The following RGL1 variants were observed in gnomAD, a reference collection of about 807,000 sequenced individuals.
RGL1 encodes the protein ral guanine nucleotide dissociation stimulator like 1.
RGL1 carries 24 observed loss-of-function variants against 95.2 expected under a neutral mutation model. That is an observed-to-expected ratio of 0.25 (90% CI 0.18 to 0.35). RGL1 has a LOEUF of 0.35. RGL1 is among the 10% of genes least tolerant of loss of function. The pLI is 1.00. For missense variants in RGL1, 715 were observed against 936.3 expected, an observed-to-expected ratio of 0.76 and a Z score of 3.08; for synonymous variants, 329 against 344.9, an observed-to-expected ratio of 0.95 and a Z score of 0.51.
intron 1 of RGL1, among the ~76,000 whole-genome samples, chr1:183,712,143 G>C (rs1655321593): frequency 6.6e-6 from 1 of 152,240 alleles, no homozygotes; most frequent in Non-Finnish European, 1.5e-5. Flanking sequence ...CATTCCTTGG[G>C]CAGTAGTAAT....
intron 2 of RGL1, among the ~76,000 whole-genome samples, chr1:183,775,538 T>C (rs1659546392): frequency 6.6e-6 from 1 of 152,216 alleles, no homozygotes; most frequent in South Asian, 2.1e-4. Flanking sequence ...AATTTGAGGA[T>C]ATAGGCAATG....
intron 2 of RGL1, among the ~76,000 whole-genome samples, chr1:183,833,645 A>G (rs548170262): frequency 3.3e-5 from 5 of 152,370 alleles, no homozygotes; most frequent in South Asian, 2.1e-4. Flanking sequence ...TCAGGCTACT[A>G]TAACTAAAAC....
intron 15 of RGL1, among the ~76,000 whole-genome samples, chr1:183,912,623 C>A (rs1019881484): frequency 6.6e-6 from 1 of 152,194 alleles, no homozygotes; most frequent in African/African-American, 2.4e-5. Context: ...AAGCATTTAT[C>A]ACAATAATGT....
At chr1:183,757,017 GTTTGT>G (rs1469118651) in intron 2 of RGL1, among the ~76,000 whole-genome samples, 1 of 80,806 alleles carries the variant, frequency 1.2e-5, no homozygotes, top group African/African-American at 5.5e-5. Context: ...TGGGTGGTTT[GTTTGT>G]TTTTTTTTTT....
At chr1:183,788,291 C>T (rs1660278058) in intron 2 of RGL1, among the ~76,000 whole-genome samples, 1 of 152,154 alleles carries the variant, frequency 6.6e-6, no homozygotes, top group Non-Finnish European at 1.5e-5. Flanking sequence ...AAATCCCAGT[C>T]CAAGCACATT....
chr1:183,799,564 G>C (rs2102399059), intron 2 of RGL1, among the ~76,000 whole-genome samples: 1 of 152,272 alleles, frequency 6.6e-6, no homozygotes, highest in East Asian at 1.9e-4. Flanking sequence ...GTGATATTAA[G>C]CATCTTTTCA....
chr1:183,805,651 G>A (rs1270680456), intron 1 of RGL1, among the ~76,000 whole-genome samples: 2 of 152,202 alleles, frequency 1.3e-5, no homozygotes, highest in Admixed American at 6.5e-5. Context: ...ACAAACCTCA[G>A]GTTTAGCTGG....
At chr1:183,843,108 G>C (rs764993499) in intron 2 of RGL1, among the ~76,000 whole-genome samples, 1 of 152,180 alleles carries the variant, frequency 6.6e-6, no homozygotes, top group Non-Finnish European at 1.5e-5. Context: ...CAGGTATTAG[G>C]ATATTTAGCA....
intron 1 of RGL1, among the ~76,000 whole-genome samples, chr1:183,667,190 A>G (rs1056529834): frequency 6.6e-6 from 1 of 151,946 alleles, no homozygotes; most frequent in Non-Finnish European, 1.5e-5. Context: ...ATCTTTCTTT[A>G]TCTCTTTCAA....
intron 2 of RGL1, among the ~76,000 whole-genome samples, chr1:183,784,281 G>C (rs1660043516): frequency 6.6e-6 from 1 of 152,184 alleles, no homozygotes; most frequent in Admixed American, 6.5e-5. Context: ...GTCTCAAGGA[G>C]GGAAGGTGCC....
At chr1:183,808,850 G>A (rs1418348492) in intron 2 of RGL1, among the ~76,000 whole-genome samples, 1 of 151,840 alleles carries the variant, frequency 6.6e-6, no homozygotes, top group Admixed American at 6.6e-5. Context: ...GTAAACACCA[G>A]ATTCAAATCC....
chr1:183,811,728 A>G (rs1217901361), intron 2 of RGL1, among the ~76,000 whole-genome samples: 1 of 152,212 alleles, frequency 6.6e-6, no homozygotes, highest in Non-Finnish European at 1.5e-5. Flanking sequence ...AATATGTGAC[A>G]TGTAATCAAG....
intron 2 of RGL1, among the ~76,000 whole-genome samples, chr1:183,842,593 A>G (rs928919135): frequency 6.6e-6 from 1 of 152,220 alleles, no homozygotes; most frequent in Non-Finnish European, 1.5e-5. Flanking sequence ...CTAAAGGCAC[A>G]AAGATCAACC....
chr1:183,673,456 A>C (rs1435443461), intron 1 of RGL1, among the ~76,000 whole-genome samples: 2 of 152,154 alleles, frequency 1.3e-5, no homozygotes, highest in Non-Finnish European at 2.9e-5. Context: ...GCTCTGTTCT[A>C]CTTCATCAGG....
intron 1 of RGL1, among the ~76,000 whole-genome samples, chr1:183,679,365 C>A (rs1653044783): frequency 6.6e-6 from 1 of 151,904 alleles, no homozygotes; most frequent in South Asian, 2.1e-4. Context: ...TTAGGTATTT[C>A]TCCTAATGCT....
intron 5 of RGL1, among the ~76,000 whole-genome samples, chr1:183,882,096 A>G (rs552018156): frequency 6.6e-6 from 1 of 152,362 alleles, no homozygotes; most frequent in African/African-American, 2.4e-5. Flanking sequence ...GTTTTACCCA[A>G]TTTTACTCCT....
intron 2 of RGL1, among the ~76,000 whole-genome samples, chr1:183,775,978 TAAATA>T (rs1024894326): frequency 3.3e-5 from 5 of 152,178 alleles, no homozygotes; most frequent in South Asian, 2.1e-4. Flanking sequence ...AACAAAGCAT[TAAATA>T]AAATGACAGA....
intron 1 of RGL1, among the ~76,000 whole-genome samples, chr1:183,673,376 A>G (rs544196748): frequency 6.6e-6 from 1 of 152,314 alleles, no homozygotes; most frequent in South Asian, 2.1e-4. Flanking sequence ...GTAGGCTGAG[A>G]TAGACAGATT....
chr1:183,843,293 C>T (rs980964337), intron 2 of RGL1, among the ~76,000 whole-genome samples: 3 of 152,154 alleles, frequency 2.0e-5, no homozygotes, highest in Admixed American at 2.0e-4. Flanking sequence ...TTTTATTAGT[C>T]TTCTGTTAGG....
Sources: allele counts gnomAD v4.1 joint callset (sites outside exome capture counted in the v4.1 genomes callset), GRCh38; gene constraint gnomAD v4.1.1; transcripts MANE v1.5; gene names NCBI Gene and HGNC (gene_info 2026-07-23, HGNC 2026-07-21).